The following TMCC3 variants were observed in gnomAD, a reference collection of about 807,000 sequenced individuals.
The protein encoded by TMCC3 is transmembrane and coiled-coil domain family 3.
In TMCC3, 28 loss-of-function variants were observed where a neutral mutation model predicts 40.2. That is an observed-to-expected ratio of 0.70 (90% CI 0.52 to 0.95). The LOEUF is 0.95. TMCC3 is among the 40% of genes least tolerant of loss of function. The probability of loss-of-function intolerance (pLI) is 0.00; values close to 1 mark genes in which losing one functional copy is unlikely to be tolerated. For missense variants in TMCC3, 554 were observed against 615.2 expected, an observed-to-expected ratio of 0.90 and a Z score of 1.05; for synonymous variants, 255 against 248.5, an observed-to-expected ratio of 1.03 and a Z score of -0.25.
At chr12:94,648,113 C>T (rs1298729627) in intron 1 of TMCC3, among the ~76,000 whole-genome samples, 1 of 152,130 alleles carries the variant, frequency 6.6e-6, no homozygotes, top group African/African-American at 2.4e-5. Flanking sequence ...CGATAATCCG[C>T]ACATATAATG....
intron 1 of TMCC3, among the ~76,000 whole-genome samples, chr12:94,630,505 C>T (rs1566334435): frequency 6.6e-6 from 1 of 152,034 alleles, no homozygotes; most frequent in Non-Finnish European, 1.5e-5. Context: ...TCGCTTAACC[C>T]CTGTTTGAGC....
At chr12:94,622,750 C>T (rs772718524) in intron 1 of TMCC3, among the ~76,000 whole-genome samples, 35 of 151,462 alleles carry the variant, frequency 2.3e-4, no homozygotes, top group Non-Finnish European at 4.1e-4. Context: ...CAATCAGACA[C>T]GGAGCCTGTT....
intron 3 of TMCC3, among the ~76,000 whole-genome samples, chr12:94,576,119 G>A (rs528209322): frequency 1.3e-5 from 2 of 152,088 alleles, no homozygotes; most frequent in Admixed American, 6.6e-5. Context: ...CAAGTTTCTC[G>A]AATAAGCCAG....
intron 1 of TMCC3, among the ~76,000 whole-genome samples, chr12:94,638,554 C>T (rs561215957): frequency 1.3e-5 from 2 of 152,350 alleles, no homozygotes; most frequent in South Asian, 4.1e-4. Context: ...TCCTGTCTCC[C>T]GTGCTTTCTA....
rs112133320 is a variant in TMCC3, at chr12:94,578,080, C to T, written c.1131+314G>A. 8.6e-3 allele frequency among the ~76,000 whole-genome samples: 1,127 copies of T among 131,534 alleles called. 13 individuals are homozygous for T. Among genetic ancestry groups the T allele is most frequent in the Non-Finnish European group, 0.012 (778 of 65,666 alleles). The allele number at this position is 131,534 out of a possible 152,430, so 86.3% of individuals were successfully genotyped here. ...AGAAGAATCGTTTGAACTCGGGAGG[C>T]AGAGGTCGCAGTGAGCTGAGATCAC... is the stretch of plus-strand genomic sequence containing the variant. On this transcript the variant is annotated intron_variant, in intron 3 of 3. Transcript: ENST00000261226.
intron 2 of TMCC3, among the ~76,000 whole-genome samples, chr12:94,580,954 A>G (rs939214010): frequency 6.6e-6 from 1 of 152,210 alleles, no homozygotes; most frequent in African/African-American, 2.4e-5. Context: ...GTATCCAATA[A>G]TTTAAGGACC....
Position 94,571,654 on chromosome 12 carries a change from C to A in TMCC3, c.1215G>T (p.Val405=). The A allele has an allele frequency of 2.5e-6, 4 of 1,614,226 alleles. No homozygotes were observed. Among genetic ancestry groups the A allele is most frequent in the Non-Finnish European group, 3.4e-6 (4 of 1,180,042 alleles). ...ACCTCCCCAGGAGAACTTTAGCATT[C>A]ACGGTGTCTGTCTGCAGAGCTTGCT... ...QEQQALQTDT[V]NAKVLLGRCI... The change falls in exon 4 of 4, where the codon GTG becomes GTT. Residue 405 remains valine, a synonymous_variant. Coordinates refer to ENST00000261226, the MANE Select transcript of TMCC3 (RefSeq NM_020698.4).
intron 1 of TMCC3, among the ~76,000 whole-genome samples, chr12:94,591,708 C>T (rs886601571): frequency 6.6e-6 from 1 of 152,050 alleles, no homozygotes; most frequent in Admixed American, 6.5e-5. Flanking sequence ...GAGCATGAAT[C>T]ACGCCACTGC....
chr12:94,609,282 A>C (rs2068801317), intron 1 of TMCC3, among the ~76,000 whole-genome samples: 1 of 152,206 alleles, frequency 6.6e-6, no homozygotes, highest in Admixed American at 6.5e-5. Context: ...ACAAGGTCAC[A>C]AACTAGGGAG....
chr12:94,589,405 C>A (rs768162466), intron 1 of TMCC3, among the ~76,000 whole-genome samples: 1 of 151,980 alleles, frequency 6.6e-6, no homozygotes, highest in Non-Finnish European at 1.5e-5. Context: ...TACGGTGGGG[C>A]CTCTACCGTC....
chr12:94,633,304 G>A (rs2068943048), intron 1 of TMCC3, among the ~76,000 whole-genome samples: 1 of 152,130 alleles, frequency 6.6e-6, no homozygotes, highest in African/African-American at 2.4e-5. Context: ...TGAGGAAGCA[G>A]GAAGAGAGAA....
At chr12:94,571,945 G>A (rs2068532258) in intron 3 of TMCC3, among the ~76,000 whole-genome samples, 2 of 152,204 alleles carry the variant, frequency 1.3e-5, no homozygotes, top group African/African-American at 2.4e-5. Context: ...GAGTAGAAGA[G>A]CATGTGGATA....
In TMCC3 at chr12:94,569,947, GT is replaced by G. The variant is rs2068516959; in HGVS notation, c.*1487del. 1.3e-5 allele frequency: 2 copies of G among 152,162 alleles called. No homozygotes were observed. Among genetic ancestry groups the G allele is most frequent in the African/African-American group, 4.8e-5 (2 of 41,404 alleles). 9.4% of individuals were successfully genotyped at this position (152,162 alleles called of 1,614,324 possible). A position where few individuals can be genotyped will look rare whatever the true frequency, so the allele number is the denominator to read the frequency against. ...GAACATTGTTTCCATCTTCCTCTTT[GT>G]TATACACACAGAGACACAGATTTAA... On this transcript the variant is annotated 3_prime_UTR_variant, in exon 4 of 4. Coordinates refer to ENST00000261226, the MANE Select transcript of TMCC3 (RefSeq NM_020698.4).
chr12:94,637,558 A>G (rs1372290421), intron 1 of TMCC3, among the ~76,000 whole-genome samples: 1 of 152,244 alleles, frequency 6.6e-6, no homozygotes, highest in Non-Finnish European at 1.5e-5. Context: ...CCAGTGTTCA[A>G]CACAGAGTAG....
intron 3 of TMCC3, among the ~76,000 whole-genome samples, chr12:94,572,330 A>ATTTTTTTTTTTTTTT (rs1178986394): frequency 2.4e-5 from 2 of 82,910 alleles, no homozygotes; most frequent in Admixed American, 1.4e-4. Context: ...TTTTTTTTTG[A>ATTTTTTTTTTTTTTT]GACAGAGTTT....
In TMCC3 at chr12:94,650,499, G is replaced by C. The variant is rs547156252; in HGVS notation, c.-69C>G. ...GCGCCGCGAGCCACCGGCTGTGCTCGGGATCACCCTGGGAGCCGCGGGCGA... is the reference window on the plus strand; with the variant it reads ...GCGCCGCGAGCCACCGGCTGTGCTCCGGATCACCCTGGGAGCCGCGGGCGA... On this transcript the variant is annotated 5_prime_UTR_variant, in exon 1 of 4. Coordinates refer to ENST00000261226, the MANE Select transcript of TMCC3 (RefSeq NM_020698.4). 81 of 1,174,382 alleles carry C rather than the reference G, an allele frequency of 6.9e-5. 1 individual carries two copies. In the African/African-American group the frequency reaches 1.1e-3, roughly 15 times the overall value. 72.7% of individuals were successfully genotyped at this position (1,174,382 alleles called of 1,614,324 possible). A position where few individuals can be genotyped will look rare whatever the true frequency, so the allele number is the denominator to read the frequency against.
intron 1 of TMCC3, among the ~76,000 whole-genome samples, chr12:94,609,581 AC>A (rs2068803148): frequency 6.6e-6 from 1 of 152,164 alleles, no homozygotes; most frequent in Non-Finnish European, 1.5e-5. Flanking sequence ...CAACTATCTT[AC>A]CTGAGTGATT....
intron 1 of TMCC3, among the ~76,000 whole-genome samples, chr12:94,594,354 A>T: frequency 6.6e-6 from 1 of 151,766 alleles, no homozygotes; most frequent in East Asian, 1.9e-4. Flanking sequence ...TAACCTCCCA[A>T]AGTGTTGGGA....
chr12:94,595,168 G>C (rs2068708142), intron 1 of TMCC3, among the ~76,000 whole-genome samples: 1 of 152,090 alleles, frequency 6.6e-6, no homozygotes, highest in African/African-American at 2.4e-5. Context: ...TCGACTTTTG[G>C]ATATTAGCAC....
Sources: allele counts gnomAD v4.1 joint callset (sites outside exome capture counted in the v4.1 genomes callset), GRCh38; gene constraint gnomAD v4.1.1; transcripts MANE v1.5; gene names NCBI Gene and HGNC (gene_info 2026-07-23, HGNC 2026-07-21).